The following ROR1 variants were observed in gnomAD, a reference collection of about 807,000 sequenced individuals.
ROR1 encodes inactive tyrosine-protein kinase transmembrane receptor ROR1.
Under a neutral mutation model 78.8 loss-of-function variants are expected in ROR1, and 19 were observed. The observed-to-expected ratio is 0.24, with a 90% CI of 0.17 to 0.35. ROR1 has a LOEUF of 0.35. Among genes scored for constraint, ROR1 ranks in the 10% least tolerant of loss-of-function variants. The pLI is 1.00. For missense variants in ROR1, 917 were observed against 1,177.8 expected (o/e 0.78, Z 3.24); for synonymous variants, 386 against 433.6 (o/e 0.89, Z 1.36).
At chr1:64,142,773 A>G (rs1649362013) in intron 7 of ROR1, 123 bp downstream of exon 7, 4 of 1,478,158 alleles carry the variant, frequency 2.7e-6, no homozygotes, top group Admixed American at 2.3e-5. Context: ...CTTGATCTCA[A>G]TCTGGTTTTA....
chr1:64,055,195 A>G (rs543498331), intron 4 of ROR1, among the ~76,000 whole-genome samples: 1 of 152,360 alleles, frequency 6.6e-6, no homozygotes, highest in Non-Finnish European at 1.5e-5. Flanking sequence ...CAGCCATGCA[A>G]AACTCTTGCA....
intron 1 of ROR1, among the ~76,000 whole-genome samples, chr1:63,833,954 C>T (rs375761717): frequency 6.7e-6 from 1 of 150,248 alleles, no homozygotes; most frequent in Non-Finnish European, 1.5e-5. Context: ...CAATGCTTTC[C>T]GTCTCGAGGG....
At chr1:63,846,531 TA>T (rs1454022251) in intron 1 of ROR1, among the ~76,000 whole-genome samples, 1 of 152,178 alleles carries the variant, frequency 6.6e-6, no homozygotes, top group Non-Finnish European at 1.5e-5. Flanking sequence ...GATGTACTGG[TA>T]GCTGAGATGG....
At chr1:63,884,204 G>A (rs1645342072) in intron 1 of ROR1, among the ~76,000 whole-genome samples, 1 of 152,146 alleles carries the variant, frequency 6.6e-6, no homozygotes, top group African/African-American at 2.4e-5. Flanking sequence ...TCCCCTCTTG[G>A]GTGATTCCCA....
chr1:64,140,454 C>A, intron 6 of ROR1, 28 bp downstream of exon 6: 1 of 1,603,510 alleles, frequency 6.2e-7, no homozygotes, highest in Non-Finnish European at 8.5e-7. Context: ...ACCTTCTGTG[C>A]TCTTCTAAGG....
At chr1:64,109,529 A>C (rs189749726) in intron 4 of ROR1, among the ~76,000 whole-genome samples, 1 of 152,156 alleles carries the variant, frequency 6.6e-6, no homozygotes, top group East Asian at 1.9e-4. Flanking sequence ...CACACATAGA[A>C]TCTTCCTTGT....
chr1:63,992,250 G>C (rs1041865949), intron 1 of ROR1, among the ~76,000 whole-genome samples: 2 of 151,726 alleles, frequency 1.3e-5, no homozygotes, highest in African/African-American at 4.8e-5. Flanking sequence ...CTGTCGCCAG[G>C]CTGGTGGAGT....
chr1:63,913,773 AG>A (rs1645588926), intron 1 of ROR1, among the ~76,000 whole-genome samples: 1 of 152,208 alleles, frequency 6.6e-6, no homozygotes, highest in South Asian at 2.1e-4. Context: ...GGATAAGAGC[AG>A]GGGAAAGACA....
chr1:63,880,974 T>C (rs184348313), intron 1 of ROR1, among the ~76,000 whole-genome samples: 1 of 152,292 alleles, frequency 6.6e-6, no homozygotes, highest in East Asian at 1.9e-4. Flanking sequence ...ATCCTCCTAA[T>C]TTACAAGTTC....
chr1:64,006,703 G>T (rs1171246550), intron 1 of ROR1, among the ~76,000 whole-genome samples: 1 of 152,076 alleles, frequency 6.6e-6, no homozygotes, highest in East Asian at 1.9e-4. Context: ...GCTATTTTTG[G>T]CTCAGGACGT....
At chr1:64,167,820 G>A (rs1003602434) in intron 8 of ROR1, among the ~76,000 whole-genome samples, 6 of 152,264 alleles carry the variant, frequency 3.9e-5, no homozygotes, top group African/African-American at 1.4e-4. Context: ...GAGCATCAAC[G>A]GAGTGAGGTC....
chr1:63,965,445 C>T (rs1369489709), intron 1 of ROR1, among the ~76,000 whole-genome samples: 4 of 152,132 alleles, frequency 2.6e-5, no homozygotes, highest in African/African-American at 9.7e-5. Context: ...CATTTAACAT[C>T]TCCCCAGACA....
chr1:63,963,907 T>A, intron 1 of ROR1, among the ~76,000 whole-genome samples: 1 of 152,212 alleles, frequency 6.6e-6, no homozygotes, highest in East Asian at 1.9e-4. Context: ...AGCAGTAAGA[T>A]AGAAGAAATC....
intron 7 of ROR1, chr1:64,143,059 C>G: frequency 9.5e-7 from 1 of 1,049,758 alleles, no homozygotes; most frequent in Non-Finnish European, 1.2e-6. Context: ...CACCACAAGG[C>G]AGGATGAATC....
At chr1:63,894,986 G>A (rs1037067211) in intron 1 of ROR1, among the ~76,000 whole-genome samples, 7 of 152,148 alleles carry the variant, frequency 4.6e-5, no homozygotes, top group Middle Eastern at 3.2e-3. Context: ...ACTCCTGGAC[G>A]TGGATTACAG....
chr1:63,894,473 T>TA (rs11374799), intron 1 of ROR1, among the ~76,000 whole-genome samples: 152,296 of 152,296 alleles, frequency 1, 76,148 homozygotes, highest in Non-Finnish European at 1. Flanking sequence ...AATGCATTCC[T>TA]CATACATAGA....
At chr1:63,782,449 G>A (rs1644657187) in intron 1 of ROR1, among the ~76,000 whole-genome samples, 1 of 151,888 alleles carries the variant, frequency 6.6e-6, no homozygotes, top group South Asian at 2.1e-4. Context: ...AAGAGCCTGA[G>A]ACTCTCCCTT....
chr1:63,792,816 T>C (rs1047423067), intron 1 of ROR1, among the ~76,000 whole-genome samples: 6 of 152,258 alleles, frequency 3.9e-5, no homozygotes, highest in Non-Finnish European at 8.8e-5. Flanking sequence ...AAAACTTATT[T>C]TCTACTAATG....
intron 4 of ROR1, among the ~76,000 whole-genome samples, chr1:64,098,412 T>C (rs1249519564): frequency 6.6e-6 from 1 of 152,132 alleles, no homozygotes; most frequent in African/African-American, 2.4e-5. Flanking sequence ...GCCCCTAGTG[T>C]GAGGTCTGGT....
Sources: allele counts gnomAD v4.1 joint callset (sites outside exome capture counted in the v4.1 genomes callset), GRCh38; gene constraint gnomAD v4.1.1; transcripts MANE v1.5; gene names NCBI Gene and HGNC (gene_info 2026-07-23, HGNC 2026-07-21).